The following TYW1 variants were observed in gnomAD, a reference collection of about 807,000 sequenced individuals.
The protein encoded by TYW1 is tRNA-yW synthesizing protein 1 homolog, also known as S-adenosyl-L-methionine-dependent tRNA 4-demethylwyosine synthase TYW1.
Under a neutral mutation model 96.2 loss-of-function variants are expected in TYW1, and 46 were observed. The ratio of observed to expected loss-of-function variants is 0.48; its 90% CI spans 0.38 to 0.61. TYW1 has a LOEUF of 0.61. Ranked by LOEUF, TYW1 falls within the 20% of genes least tolerant of loss-of-function variation. The probability of loss-of-function intolerance (pLI) is 0.00; values close to 1 mark genes in which losing one functional copy is unlikely to be tolerated. For synonymous variants in TYW1, 274 were observed against 323.0 expected (o/e 0.85, Z 1.63); for missense variants, 684 against 909.6 (o/e 0.75, Z 3.19).
intron 7 of TYW1, among the ~76,000 whole-genome samples, chr7:67,031,079 G>C (rs1248044277): frequency 1.5e-5 from 2 of 133,496 alleles, no homozygotes; most frequent in Non-Finnish European, 3.1e-5. Flanking sequence ...TGTAATCCCA[G>C]CTACTCGGGA....
intron 15 of TYW1, among the ~76,000 whole-genome samples, chr7:67,207,461 G>A (rs6954642): frequency 0.27 from 40,740 of 152,010 alleles, 5,811 homozygotes; most frequent in African/African-American, 0.36. Context: ...CCTGCTAATT[G>A]TTAAATCCAG....
At chr7:67,133,542 AC>A (rs1798154823) in intron 13 of TYW1, among the ~76,000 whole-genome samples, 1 of 150,878 alleles carries the variant, frequency 6.6e-6, no homozygotes, top group African/African-American at 2.5e-5. Flanking sequence ...TACTAAAAAT[AC>A]AAAAATTAGC....
chr7:67,185,759 G>A (rs1288858533), intron 14 of TYW1, among the ~76,000 whole-genome samples: 1 of 152,240 alleles, frequency 6.6e-6, no homozygotes, highest in Non-Finnish European at 1.5e-5. Flanking sequence ...ATGTTTGGAA[G>A]TAATGGCTTT....
chr7:67,114,528 C>G (rs1044805325), intron 12 of TYW1: 1 of 152,200 alleles, frequency 6.6e-6, no homozygotes, highest in Non-Finnish European at 1.5e-5. Context: ...GGCATTTGTA[C>G]AGAGGATTGG....
chr7:67,116,897 A>C (rs1427569359), intron 12 of TYW1, among the ~76,000 whole-genome samples: 2 of 152,300 alleles, frequency 1.3e-5, no homozygotes, highest in East Asian at 1.9e-4. Context: ...CTACTGTTTT[A>C]GGTCTGCACT....
At chr7:67,111,452 C>T (rs760048866) in intron 12 of TYW1, among the ~76,000 whole-genome samples, 4 of 152,274 alleles carry the variant, frequency 2.6e-5, no homozygotes, top group East Asian at 3.9e-4. Context: ...CTGCCCCTCT[C>T]GCCCTCCCAA....
chr7:67,050,180 T>C (rs2129261742), intron 8 of TYW1, 114 bp downstream of exon 8: 2 of 1,230,230 alleles, frequency 1.6e-6, no homozygotes, highest in East Asian at 2.3e-5. Flanking sequence ...GTGGCAGATA[T>C]AACAGTCTAA....
chr7:67,213,742 A>G (rs1801119228), intron 15 of TYW1, among the ~76,000 whole-genome samples: 1 of 152,300 alleles, frequency 6.6e-6, no homozygotes, highest in Admixed American at 6.5e-5. Context: ...TGGACATCCA[A>G]TTGTTAAAGT....
intron 12 of TYW1, among the ~76,000 whole-genome samples, chr7:67,100,851 A>C (rs1235930414): frequency 4.7e-5 from 2 of 42,842 alleles, no homozygotes; most frequent in South Asian, 6.6e-4. Flanking sequence ...GCTACAGAGC[A>C]AAAAAAAAAA....
chr7:67,067,506 G>C, intron 10 of TYW1, 103 bp downstream of exon 10: 2 of 1,324,678 alleles, frequency 1.5e-6, no homozygotes, highest in East Asian at 2.3e-5. Flanking sequence ...TGCTGTCTTG[G>C]TGATTAATCT....
At chr7:67,099,080 C>A (rs1797011433) in intron 12 of TYW1, among the ~76,000 whole-genome samples, 1 of 151,208 alleles carries the variant, frequency 6.6e-6, no homozygotes, top group South Asian at 2.1e-4. Flanking sequence ...GGCTTGAGTG[C>A]AGTGGCGTGA....
intron 3 of TYW1, 143 bp downstream of exon 3, chr7:66,999,097 T>C: frequency 1.1e-6 from 1 of 902,872 alleles, no homozygotes; most frequent in Non-Finnish European, 1.7e-6. Context: ...TCCCAGCCTT[T>C]TCCCCTCAAA....
intron 10 of TYW1, among the ~76,000 whole-genome samples, chr7:67,071,130 CA>C (rs558946326): frequency 3.2e-4 from 46 of 143,290 alleles, no homozygotes; most frequent in South Asian, 4.4e-4. Context: ...GACTCCGTCT[CA>C]AAAAAAAAAA....
chr7:67,002,275 C>T (rs1478425768), intron 3 of TYW1, among the ~76,000 whole-genome samples: 1 of 151,190 alleles, frequency 6.6e-6, no homozygotes, highest in East Asian at 1.9e-4. Context: ...GGTCTTGACT[C>T]CTGGCCTCAA....
intron 15 of TYW1, among the ~76,000 whole-genome samples, chr7:67,204,223 G>C (rs1800695302): frequency 6.6e-6 from 1 of 151,986 alleles, no homozygotes; most frequent in Admixed American, 6.6e-5. Context: ...TTTCTTTTTA[G>C]ATCTCTGATG....
intron 14 of TYW1, 137 bp downstream of exon 14, chr7:67,183,373 T>C (rs1050086157): frequency 6.9e-5 from 51 of 737,258 alleles, no homozygotes; most frequent in Non-Finnish European, 9.9e-5. Context: ...TCGTGATCGA[T>C]ATTCATCAAG....
chr7:67,002,843 CTTTTTCTTTTTT>C (rs1793449465), intron 3 of TYW1, among the ~76,000 whole-genome samples: 2 of 117,800 alleles, frequency 1.7e-5, no homozygotes, highest in South Asian at 5.1e-4. Context: ...TTTTCTTTTT[CTTTTTCTTTTTT>C]CTTTTTTTTT....
At chr7:67,086,627 A>G (rs2844095) in intron 11 of TYW1, among the ~76,000 whole-genome samples, 1 of 152,202 alleles carries the variant, frequency 6.6e-6, no homozygotes, top group East Asian at 1.9e-4. Context: ...CAAAGGCATT[A>G]TCCTGGCAGA....
intron 15 of TYW1, among the ~76,000 whole-genome samples, chr7:67,221,151 T>G (rs1287308342): frequency 2.6e-5 from 4 of 152,250 alleles, no homozygotes; most frequent in African/African-American, 9.6e-5. Context: ...CAATATCTGC[T>G]TTGTATATGT....
Sources: gnomAD v4.1 joint callset for allele counts (sites outside exome capture counted in the v4.1 genomes callset) on GRCh38, gnomAD v4.1.1 for gene constraint, MANE v1.5 for transcripts, NCBI Gene and HGNC (gene_info 2026-07-23, HGNC 2026-07-21) for gene names.